ARHGAP10: variants seen among roughly 807,000 people sequenced by gnomAD.
The protein encoded by ARHGAP10 is Rho GTPase activating protein 10.
ARHGAP10 carries 87 observed loss-of-function variants against 108.6 expected under a neutral mutation model. The observed-to-expected ratio is 0.80, with a 90% CI of 0.67 to 0.96. ARHGAP10 has a LOEUF of 0.96. Ranked by LOEUF, ARHGAP10 falls within the 40% of genes least tolerant of loss-of-function variation. ARHGAP10 has a pLI of 0.00. For missense variants in ARHGAP10, 939 were observed against 954.5 expected (o/e 0.98, Z 0.21); for synonymous variants, 347 against 341.1 (o/e 1.02, Z -0.19).
chr4:147,956,346 C>G (rs1249885922), intron 16 of ARHGAP10, among the ~76,000 whole-genome samples: 1 of 152,116 alleles, frequency 6.6e-6, no homozygotes, highest in Non-Finnish European at 1.5e-5. Context: ...GAGGTCCTTG[C>G]TCCAGCCAGT....
At chr4:148,017,650 AAC>A in intron 18 of ARHGAP10, among the ~76,000 whole-genome samples, 1 of 114,950 alleles carries the variant, frequency 8.7e-6, no homozygotes, top group African/African-American at 4.1e-5. Context: ...ATGAGCCAGT[AAC>A]TATATATATA....
chr4:147,883,026 G>T (rs947587504), intron 10 of ARHGAP10, among the ~76,000 whole-genome samples: 1 of 152,194 alleles, frequency 6.6e-6, no homozygotes, highest in Non-Finnish European at 1.5e-5. Flanking sequence ...AATTAATGCT[G>T]CTTCCTCTCT....
At chr4:148,004,605 A>G (rs1168288229) in intron 18 of ARHGAP10, among the ~76,000 whole-genome samples, 1 of 152,066 alleles carries the variant, frequency 6.6e-6, no homozygotes, top group Non-Finnish European at 1.5e-5. Context: ...CGTGGCAGGA[A>G]ACCGCAGGCA....
intron 10 of ARHGAP10, among the ~76,000 whole-genome samples, chr4:147,882,558 G>GTT (rs1414132429): frequency 1.1e-4 from 16 of 152,192 alleles, no homozygotes; most frequent in African/African-American, 3.9e-4. Context: ...GGGTGACAAA[G>GTT]CTAAAAAGGG....
intron 1 of ARHGAP10, among the ~76,000 whole-genome samples, chr4:147,778,729 C>CAAA (rs1228067670): frequency 6.6e-6 from 1 of 152,128 alleles, no homozygotes; most frequent in Non-Finnish European, 1.5e-5. Context: ...TCCAAACTGG[C>CAAA]ACATTTTATA....
chr4:147,864,887 A>G lies in ARHGAP10; in HGVS notation c.528A>G (p.Glu176=), dbSNP rs763083973. The change falls in exon 6 of 23, where the codon GAA becomes GAG. Residue 176 remains glutamate (E), a synonymous_variant. Transcript: ENST00000336498. The stretch of plus-strand genomic sequence containing the variant: ...AGCAGAACCGGCAACACTTCTATGA[A>G]CTGTCTCTCGAGTATGTGTGTAAGC... The part of the protein sequence containing the change: ...QVEQNRQHFY[E]LSLEYVCKLQ... 6.2e-7 allele frequency: 1 copy of G among 1,614,110 alleles called. No individual in the cohort carries two copies. Among genetic ancestry groups the G allele is most frequent in the Admixed American group, 1.7e-5 (1 of 60,014 alleles).
intron 18 of ARHGAP10, among the ~76,000 whole-genome samples, chr4:148,008,725 G>T (rs944083494): frequency 2.0e-5 from 3 of 151,974 alleles, no homozygotes; most frequent in African/African-American, 7.3e-5. Flanking sequence ...GTGTGAACTG[G>T]GGTCACCTGA....
chr4:147,931,294 A>G (rs762098374), intron 13 of ARHGAP10, among the ~76,000 whole-genome samples: 8 of 134,696 alleles, frequency 5.9e-5, no homozygotes, highest in Non-Finnish European at 1.3e-4. Context: ...AACGAATCTC[A>G]ATCTAATTTA....
chr4:147,736,854 G>T (rs941409587), intron 1 of ARHGAP10, among the ~76,000 whole-genome samples: 2 of 152,202 alleles, frequency 1.3e-5, no homozygotes, highest in Non-Finnish European at 2.9e-5. Flanking sequence ...TGACCAAGGA[G>T]ACGTGACAGG....
At chr4:148,059,996 GGAGAGAGAGGA>G (rs1490194805) in intron 20 of ARHGAP10, among the ~76,000 whole-genome samples, 17 of 129,330 alleles carry the variant, frequency 1.3e-4, no homozygotes, top group African/African-American at 4.9e-4. Flanking sequence ...GAGAGAGAGG[GGAGAGAGAGGA>G]GAGAGAGAGG....
intron 18 of ARHGAP10, among the ~76,000 whole-genome samples, chr4:148,021,336 G>A (rs912835768): frequency 3.3e-5 from 5 of 152,164 alleles, no homozygotes; most frequent in East Asian, 1.9e-4. Context: ...CAGCATTTGC[G>A]CTGTTCCAGT....
chr4:147,824,323 A>G (rs941523989), intron 3 of ARHGAP10, among the ~76,000 whole-genome samples: 2 of 148,116 alleles, frequency 1.4e-5, no homozygotes, highest in African/African-American at 4.9e-5. Flanking sequence ...CTCTGTCTCA[A>G]AAAAAAAAAA....
intron 3 of ARHGAP10, among the ~76,000 whole-genome samples, chr4:147,834,483 A>G (rs1251892426): frequency 2.0e-5 from 3 of 152,150 alleles, no homozygotes. Flanking sequence ...AAAAATTAAT[A>G]AAATTCATTA....
At chr4:147,782,035 T>C (rs1032110455) in intron 1 of ARHGAP10, among the ~76,000 whole-genome samples, 4 of 152,210 alleles carry the variant, frequency 2.6e-5, no homozygotes, top group African/African-American at 9.6e-5. Context: ...TTAGTATGTC[T>C]CTTGTGACCT....
chr4:148,051,168 C>T (rs1315360400), intron 20 of ARHGAP10, among the ~76,000 whole-genome samples: 1 of 152,240 alleles, frequency 6.6e-6, no homozygotes, highest in Non-Finnish European at 1.5e-5. Context: ...TGGATTTCTG[C>T]TGATGTTCAT....
chr4:147,741,312 T>G (rs1728647733), intron 1 of ARHGAP10, among the ~76,000 whole-genome samples: 1 of 152,166 alleles, frequency 6.6e-6, no homozygotes, highest in Admixed American at 6.6e-5. Flanking sequence ...TTTAACCCAT[T>G]TTCTTTTTGG....
chr4:147,940,121 G>T (rs528815245), intron 14 of ARHGAP10, among the ~76,000 whole-genome samples: 83 of 152,324 alleles, frequency 5.4e-4, no homozygotes, highest in Non-Finnish European at 4.4e-5. Flanking sequence ...AAAAAAGAAT[G>T]CACCCCCTGG....
chr4:147,848,896 T>A (rs765436145), intron 4 of ARHGAP10, among the ~76,000 whole-genome samples: 3 of 152,244 alleles, frequency 2.0e-5, no homozygotes, highest in Non-Finnish European at 4.4e-5. Context: ...GGAGAAATGG[T>A]TACAATAGTT....
At chr4:147,963,199 CTA>C (rs1239863524) in intron 16 of ARHGAP10, among the ~76,000 whole-genome samples, 1 of 152,188 alleles carries the variant, frequency 6.6e-6, no homozygotes, top group Non-Finnish European at 1.5e-5. Flanking sequence ...ACCTTTCTAT[CTA>C]TACCCTCGAA....
Sources: allele counts gnomAD v4.1 joint callset (sites outside exome capture counted in the v4.1 genomes callset), GRCh38; gene constraint gnomAD v4.1.1; transcripts MANE v1.5; gene names NCBI Gene and HGNC (gene_info 2026-07-23, HGNC 2026-07-21).